The following NDUFAB1 variants were observed in gnomAD, a reference collection of about 807,000 sequenced individuals.
NDUFAB1 encodes NADH:ubiquinone oxidoreductase subunit AB1, also known as acyl carrier protein, mitochondrial.
A neutral mutation model predicts 16.1 loss-of-function variants in NDUFAB1; 5 were observed. That is an observed-to-expected ratio of 0.31 (90% CI 0.16 to 0.65). The LOEUF (loss-of-function observed/expected upper bound fraction) is 0.65, where lower values mean the gene tolerates loss of function less well. Among genes scored for constraint, NDUFAB1 ranks in the 30% least tolerant of loss-of-function variants. The pLI, the probability that NDUFAB1 is intolerant of heterozygous loss-of-function variation, is 0.77. For synonymous variants in NDUFAB1, 85 were observed against 78.4 expected, an observed-to-expected ratio of 1.08 and a Z score of -0.44; for missense variants, 187 against 205.3, an observed-to-expected ratio of 0.91 and a Z score of 0.54.
chr16:23,592,359 A>AT (rs1966287774), intron 1 of NDUFAB1, among the ~76,000 whole-genome samples: 13 of 144,382 alleles, frequency 9.0e-5, no homozygotes, highest in Admixed American at 7.5e-4. Context: ...AAAAAAAAAA[A>AT]GTCATGAAAG....
At chr16:23,591,465 C>G (rs552137150) in intron 1 of NDUFAB1, among the ~76,000 whole-genome samples, 2 of 152,332 alleles carry the variant, frequency 1.3e-5, no homozygotes, top group South Asian at 4.1e-4. Context: ...AAACTGCCGA[C>G]TGGTCCACTC....
rs571743878 is a variant in NDUFAB1, at chr16:23,596,278, C to A, written c.13G>T (p.Val5Phe). 1.9e-6 allele frequency: 3 copies of A among 1,568,724 alleles called. No homozygotes were observed. Among genetic ancestry groups the A allele is most frequent in the African/African-American group, 2.8e-5 (2 of 72,428 alleles). MASR[V>F]LSAYVSRLPA... The stretch of plus-strand genomic sequence containing the variant: ...AGGCGGCTGACATAGGCTGAAAGGA[C>A]ACGAGACGCCATGGCTACGCCAACC... The change falls in exon 1 of 5, where the codon GTC becomes TTC. Residue 5 changes from valine to phenylalanine, a missense_variant. Coordinates refer to ENST00000007516, the MANE Select transcript of NDUFAB1 (RefSeq NM_005003.3).
intron 1 of NDUFAB1, chr16:23,595,740 C>T (rs1179634159): frequency 1.7e-5 from 8 of 459,572 alleles, no homozygotes; most frequent in Admixed American, 1.7e-4. Context: ...CACTACAATA[C>T]GGTGACCGCT....
rs567465874 is a variant in NDUFAB1, at chr16:23,583,967, G to T, written c.379+1369C>A. 2.4e-4 allele frequency among the ~76,000 whole-genome samples: 36 copies of T among 150,736 alleles called. No individual in the cohort carries two copies. The East Asian group carries it at 5.3e-3, about 22-fold the overall frequency. ...TGATCTATGACCTTACCCCCAACCCGGTGCTCTCTGAAACATGTGCTGTGT... is the reference window on the plus strand; with the variant it reads ...TGATCTATGACCTTACCCCCAACCCTGTGCTCTCTGAAACATGTGCTGTGT... On this transcript the variant is annotated intron_variant, in intron 3 of 4. Coordinates refer to ENST00000007516, the MANE Select transcript of NDUFAB1 (RefSeq NM_005003.3).
In NDUFAB1 at chr16:23,586,875, C is replaced by T. The variant is rs987911199; in HGVS notation, c.291+322G>A. 2.0e-4 allele frequency among the ~76,000 whole-genome samples: 31 copies of T among 151,344 alleles called. 1 individual carries two copies. Among genetic ancestry groups the T allele is most frequent in the Admixed American group, 1.5e-3 (23 of 15,216 alleles). On this transcript the variant is annotated intron_variant, in intron 2 of 4. Transcript: ENST00000007516. ...GTTAGTCAGGCTGGTCTTGAATTCC[C>T]GACCTCAGGTGATCCGCCCGCCTCG...
chr16:23,595,984 C>T (rs1488344608), intron 1 of NDUFAB1, 139 bp downstream of exon 1: 23 of 1,053,006 alleles, frequency 2.2e-5, no homozygotes, highest in Non-Finnish European at 2.9e-5. Flanking sequence ...CACCTTTAGG[C>T]AGCGGGGCTG....
Position 23,585,227 on chromosome 16 carries a change from G to A in NDUFAB1, c.379+109C>T, listed in dbSNP as rs1482504779. 5.0e-6 allele frequency: 4 copies of A among 797,540 alleles called. No individual in the cohort carries two copies. The African/African-American group carries it at 6.9e-5, about 14-fold the overall frequency. 49.4% of individuals were successfully genotyped at this position (797,540 alleles called of 1,614,324 possible). ...TGTGTGAAGGGCAGTGGATGCTACTGTTTCTATTAATATTTAATTCTAATT... is the reference window on the plus strand; with the variant it reads ...TGTGTGAAGGGCAGTGGATGCTACTATTTCTATTAATATTTAATTCTAATT... On this transcript the variant is annotated intron_variant, in intron 3 of 4. Transcript: ENST00000007516.
At chr16:23,584,070 A>G (rs1025012603) in intron 3 of NDUFAB1, among the ~76,000 whole-genome samples, 3 of 151,518 alleles carry the variant, frequency 2.0e-5, no homozygotes, top group African/African-American at 7.3e-5. Flanking sequence ...CATGCTTGTT[A>G]AGAGTCATCA....
chr16:23,595,670 G>A (rs767690613), intron 1 of NDUFAB1: 1 of 459,544 alleles, frequency 2.2e-6, no homozygotes, highest in Non-Finnish European at 4.4e-6. Flanking sequence ...GAACTGCAGA[G>A]AGAAAACCGC....
intron 1 of NDUFAB1, among the ~76,000 whole-genome samples, chr16:23,590,388 A>T (rs1209957040): frequency 2.0e-5 from 3 of 152,152 alleles, no homozygotes; most frequent in Non-Finnish European, 2.9e-5. Context: ...TTAACCTTCT[A>T]CATCTCAGTT....
intron 1 of NDUFAB1, among the ~76,000 whole-genome samples, chr16:23,595,805 C>T (rs2142241037): frequency 6.6e-6 from 1 of 152,348 alleles, no homozygotes; most frequent in East Asian, 1.9e-4. Context: ...ATCCTCATTG[C>T]TACTCCGCAA....
At chr16:23,582,522 TC>T (rs1184122783) in intron 3 of NDUFAB1, 147 bp from the exon 4 acceptor site, 1 of 1,092,644 alleles carries the variant, frequency 9.2e-7, no homozygotes, top group East Asian at 3.0e-5. Flanking sequence ...CCAGTTAGCT[TC>T]TAGACAGTAT....
chr16:23,587,783 C>T (rs895778794), intron 1 of NDUFAB1, among the ~76,000 whole-genome samples: 1 of 152,262 alleles, frequency 6.6e-6, no homozygotes, highest in African/African-American at 2.4e-5. Flanking sequence ...GAGGACCATA[C>T]ACCAGAAAGG....
intron 1 of NDUFAB1, 29 bp from the exon 2 acceptor site, chr16:23,587,348 T>C: frequency 6.2e-7 from 1 of 1,610,270 alleles, no homozygotes; most frequent in Non-Finnish European, 8.5e-7. Context: ...GGAAACACTG[T>C]CATTGAATGG....
At position 23,596,001 on chromosome 16, in the gene NDUFAB1, G is replaced by A. The variant is rs574325036; in HGVS notation, c.168+122C>T. On this transcript the variant is annotated intron_variant, in intron 1 of 4. Transcript: ENST00000007516. ...CCTTTAGGCAGCGGGGCTGCGGAGC[G>A]AGCCGGCTGCCCCCCGGGTCACCCC... The A allele has an allele frequency of 4.0e-5, 48 of 1,212,866 alleles. No individual in the cohort carries two copies. The African/African-American group carries it at 6.4e-4, about 16-fold the overall frequency. The allele number at this position is 1,212,866 out of a possible 1,614,324, so 75.1% of individuals were successfully genotyped here.
At chr16:23,590,063 C>CAACCTGG (rs1966266407) in intron 1 of NDUFAB1, among the ~76,000 whole-genome samples, 1 of 152,030 alleles carries the variant, frequency 6.6e-6, no homozygotes, top group Admixed American at 6.6e-5. Flanking sequence ...AGTTCCAGAC[C>CAACCTGG]AACCTGGGCA....
intron 2 of NDUFAB1, among the ~76,000 whole-genome samples, chr16:23,586,347 G>A (rs1206075201): frequency 1.3e-5 from 2 of 150,024 alleles, no homozygotes; most frequent in East Asian, 2.0e-4. Flanking sequence ...ATTTTTTTTC[G>A]TTGTTAGATG....
chr16:23,583,489 G>A (rs574218042), intron 3 of NDUFAB1, among the ~76,000 whole-genome samples: 15 of 150,324 alleles, frequency 1.0e-4, no homozygotes, highest in Admixed American at 9.3e-4. Context: ...GATGTGGGGA[G>A]CGCCTCTGCC....
chr16:23,587,362 A>T, intron 1 of NDUFAB1, 43 bp from the exon 2 acceptor site: 2 of 1,607,736 alleles, frequency 1.2e-6, no homozygotes, highest in Non-Finnish European at 1.7e-6. Flanking sequence ...TGAATGGAAA[A>T]TACCTCTAAA....
Sources: allele counts gnomAD v4.1 joint callset (sites outside exome capture counted in the v4.1 genomes callset), GRCh38; gene constraint gnomAD v4.1.1; transcripts MANE v1.5; gene names NCBI Gene and HGNC (gene_info 2026-07-23, HGNC 2026-07-21).